Variants in NAPG observed in about 807,000 individuals in gnomAD.
The protein encoded by NAPG is gamma-soluble NSF attachment protein.
NAPG carries 25 observed loss-of-function variants against 48.4 expected under a neutral mutation model. The ratio of observed to expected loss-of-function variants is 0.52; its 90% CI spans 0.38 to 0.72. The LOEUF (loss-of-function observed/expected upper bound fraction) is 0.72. Ranked by LOEUF, NAPG falls within the 30% of genes least tolerant of loss-of-function variation. NAPG has a pLI of 0.00. For missense variants in NAPG, 359 were observed against 372.5 expected, an observed-to-expected ratio of 0.96 and a Z score of 0.30; for synonymous variants, 139 against 127.2, an observed-to-expected ratio of 1.09 and a Z score of -0.62.
chr18:10,530,699 T>A (rs1283075712), intron 1 of NAPG, 71 bp from the exon 2 acceptor site: 2 of 871,120 alleles, frequency 2.3e-6, no homozygotes, highest in African/African-American at 1.8e-5. Context: ...ACCTAGAAGG[T>A]CATTACAAGC....
intron 1 of NAPG, among the ~76,000 whole-genome samples, chr18:10,528,491 A>C (rs1434150006): frequency 6.6e-6 from 1 of 152,208 alleles, no homozygotes; most frequent in African/African-American, 2.4e-5. Context: ...GGAATGGAAG[A>C]GGAGGAAAGG....
chr18:10,538,060 T>C (rs2032071416), intron 5 of NAPG, among the ~76,000 whole-genome samples: 1 of 150,090 alleles, frequency 6.7e-6, no homozygotes, highest in Admixed American at 6.7e-5. Context: ...GTAAACTTTA[T>C]AACTAGCTTT....
chr18:10,527,812 A>G (rs756773021), intron 1 of NAPG, among the ~76,000 whole-genome samples: 3 of 152,210 alleles, frequency 2.0e-5, no homozygotes, highest in African/African-American at 4.8e-5. Flanking sequence ...TTGGGGCCAG[A>G]CTGTGAAGGG....
intron 1 of NAPG, 78 bp from the exon 2 acceptor site, chr18:10,530,692 T>A: frequency 1.3e-5 from 10 of 774,138 alleles, no homozygotes; most frequent in Non-Finnish European, 1.7e-5. Context: ...TTTAAAGACC[T>A]AGAAGGTCAT....
rs1255853053 is a variant in NAPG, at chr18:10,550,399, A to G, written c.*179A>G. On this transcript the variant is annotated 3_prime_UTR_variant, in exon 12 of 12. Transcript: ENST00000322897. Reference sequence around the variant, plus strand: ...CACTCATTGTATCCATTACCTGTGAAGCATATCTTTTTCTTTCCATAAGAG... The same window carrying G: ...CACTCATTGTATCCATTACCTGTGAGGCATATCTTTTTCTTTCCATAAGAG... 1.8e-6 allele frequency: 1 copy of G among 554,206 alleles called. No individual in the cohort carries two copies. The highest frequency in any genetic ancestry group is 2.9e-6 in the Non-Finnish European group (1 of 342,952). The allele number at this position is 554,206 out of a possible 1,614,324, so 34.3% of individuals were successfully genotyped here.
At position 10,552,595 on chromosome 18, in the gene NAPG, T is replaced by C. The variant is rs2032422113; in HGVS notation, c.*2375T>C. 6.6e-6 allele frequency: 1 copy of C among 152,248 alleles called. No individual in the cohort carries two copies. The highest frequency in any genetic ancestry group is 2.4e-5 in the African/African-American group (1 of 41,476). The allele number at this position is 152,248 out of a possible 1,614,324, so 9.4% of individuals were successfully genotyped here. A position where few individuals can be genotyped will look rare whatever the true frequency, so the allele number is the denominator to read the frequency against. On this transcript the variant is annotated 3_prime_UTR_variant, in exon 12 of 12. Transcript: ENST00000322897. ...GTCCAGCTACAAAATAGATTTAATA[T>C]ATTGAATTTATTTGTACATATGCAG...
At chr18:10,535,383 G>C (rs1413437957) in intron 5 of NAPG, among the ~76,000 whole-genome samples, 2 of 152,206 alleles carry the variant, frequency 1.3e-5, no homozygotes, top group Non-Finnish European at 2.9e-5. Flanking sequence ...TCAATTCTGT[G>C]AGTCTATCAT....
intron 1 of NAPG, chr18:10,526,659 C>T (rs2031819095): frequency 6.4e-6 from 1 of 155,124 alleles, no homozygotes; most frequent in African/African-American, 2.4e-5. Context: ...AGGTTTACCC[C>T]AAAAACTCCT....
At chr18:10,531,895 C>T (rs1290704874) in intron 2 of NAPG, among the ~76,000 whole-genome samples, 1 of 152,096 alleles carries the variant, frequency 6.6e-6, no homozygotes, top group Non-Finnish European at 1.5e-5. Flanking sequence ...TATGGAAAAC[C>T]TATTTAATCA....
At chr18:10,529,740 G>T (rs950683674) in intron 1 of NAPG, among the ~76,000 whole-genome samples, 4 of 152,064 alleles carry the variant, frequency 2.6e-5, no homozygotes, top group African/African-American at 9.7e-5. Context: ...GTGACAGAGC[G>T]AGACCCTATC....
intron 8 of NAPG, among the ~76,000 whole-genome samples, chr18:10,540,962 T>TA (rs1215037330): frequency 1.5e-5 from 1 of 66,488 alleles, no homozygotes; most frequent in Non-Finnish European, 3.5e-5. Context: ...TCTGTCTCAA[T>TA]AATATTTAAG....
chr18:10,543,464 A>G lies in NAPG; in HGVS notation c.507-2862A>G, dbSNP rs1268497454. Among the ~76,000 whole-genome samples the G allele has an allele frequency of 6.6e-6, 1 of 152,206 alleles. No homozygotes were observed. Among genetic ancestry groups the G allele is most frequent in the African/African-American group, 2.4e-5 (1 of 41,460 alleles). On this transcript the variant is annotated intron_variant, in intron 8 of 11. Coordinates refer to ENST00000322897, the MANE Select transcript of NAPG (RefSeq NM_003826.3). The surrounding 1 kb of genome is among the most constrained non-coding windows in gnomAD (Gnocchi z 4.4). ...AATAACTGAGATAAGGAATATAGAA[A>G]CAAACTTATCAGTGATGATAATAAA...
At chr18:10,526,284 C>A (rs1015771286) in intron 1 of NAPG, 126 bp downstream of exon 1, 1 of 718,402 alleles carries the variant, frequency 1.4e-6, no homozygotes, top group African/African-American at 1.8e-5. Context: ...CGCTGGTGCC[C>A]GCAGGGCTGC....
rs1567895543 is a variant in NAPG at position 10,550,094 on chromosome 18, G to C, written c.813G>C (p.Leu271=). The change falls in exon 12 of 12, where the codon CTG becomes CTC. Residue 271 remains leucine, a synonymous_variant. Transcript: ENST00000322897. ...GTTGACAGTATGCTAAGCTGGGCCT[G>C]AGTTTGGTGGTTCCAGGAGGGGGAA... The part of the protein sequence containing the change: ...YMDNDYAKLG[L]SLVVPGGGIK... The C allele has an allele frequency of 6.4e-7, 1 of 1,567,394 alleles. No homozygotes were observed. The highest frequency in any genetic ancestry group is 2.0e-5 in the Admixed American group (1 of 50,126).
intron 1 of NAPG, 103 bp downstream of exon 1, chr18:10,526,261 A>G: frequency 2.5e-6 from 2 of 790,666 alleles, no homozygotes; most frequent in Non-Finnish European, 4.1e-6. Context: ...CTCAGGGCTG[A>G]GGGGCCTCGG....
At chr18:10,530,321 T>A (rs1184786320) in intron 1 of NAPG, among the ~76,000 whole-genome samples, 3 of 150,970 alleles carry the variant, frequency 2.0e-5, no homozygotes, top group African/African-American at 7.3e-5. Flanking sequence ...GCTCTTGACA[T>A]ATGCTTATGA....
At position 10,545,132 on chromosome 18, in the gene NAPG, C is replaced by T. The variant is rs556845994; in HGVS notation, c.507-1194C>T. Among the ~76,000 whole-genome samples, 15 of 152,096 alleles carry T rather than the reference C, an allele frequency of 9.9e-5. No individual in the cohort carries two copies. In the East Asian group the frequency reaches 1.9e-3, roughly 20 times the overall value. On this transcript the variant is annotated intron_variant, in intron 8 of 11. Transcript: ENST00000322897. Reference sequence around the variant, plus strand: ...TTCGAGACCAGCCTGGCCAACATAGCGAAACCCCATCTCTATTAAAAATAC... The same window carrying T: ...TTCGAGACCAGCCTGGCCAACATAGTGAAACCCCATCTCTATTAAAAATAC...
rs906473623 is a variant in NAPG, at chr18:10,544,727, G to A, written c.507-1599G>A. Among the ~76,000 whole-genome samples, 1 of 152,088 alleles carries A rather than the reference G, an allele frequency of 6.6e-6. No individual in the cohort carries two copies. Among genetic ancestry groups the A allele is most frequent in the African/African-American group, 2.4e-5 (1 of 41,408 alleles). ...GAGGGTCACACCTACACTTAAAGGGGGATTATAGAGGAAATGTTTACAAGG... is the reference window on the plus strand; with the variant it reads ...GAGGGTCACACCTACACTTAAAGGGAGATTATAGAGGAAATGTTTACAAGG... On this transcript the variant is annotated intron_variant, in intron 8 of 11. Coordinates refer to ENST00000322897, the MANE Select transcript of NAPG (RefSeq NM_003826.3). This position sits in a 1 kb window ranked among gnomAD's most constrained non-coding sequence, Gnocchi z 5.1.
At chr18:10,540,305 C>T (rs2032125639) in intron 7 of NAPG, 24 bp from the exon 8 acceptor site, 1 of 1,602,538 alleles carries the variant, frequency 6.2e-7, no homozygotes, top group African/African-American at 1.3e-5. Context: ...GCAGCCAACA[C>T]TTGTTTTTCT....
Sources: allele counts gnomAD v4.1 joint callset (sites outside exome capture counted in the v4.1 genomes callset), GRCh38; gene constraint gnomAD v4.1.1; non-coding constraint Gnocchi (gnomAD v3.1); transcripts MANE v1.5; gene names NCBI Gene and HGNC (gene_info 2026-07-23, HGNC 2026-07-21).